RBMS1: variants seen among roughly 807,000 people sequenced by gnomAD.
RBMS1 encodes the protein RNA binding motif single stranded interacting protein 1, also known as RNA-binding motif, single-stranded-interacting protein 1.
RBMS1 carries 17 observed loss-of-function variants against 62.3 expected under a neutral mutation model. The ratio of observed to expected loss-of-function variants is 0.27; its 90% CI spans 0.19 to 0.41. The LOEUF (loss-of-function observed/expected upper bound fraction) is 0.41, where lower values mean the gene tolerates loss of function less well. RBMS1 is among the 10% of genes least tolerant of loss of function. The pLI is 1.00. For missense variants in RBMS1, 334 were observed against 504.5 expected (o/e 0.66, Z 3.24); for synonymous variants, 172 against 170.0 (o/e 1.01, Z -0.09).
At chr2:160,438,775 T>C (rs903611570) in intron 1 of RBMS1, among the ~76,000 whole-genome samples, 4 of 152,216 alleles carry the variant, frequency 2.6e-5, no homozygotes, top group East Asian at 3.9e-4. Context: ...AGCTGTTGGG[T>C]ATACCTCCCA....
At chr2:160,329,588 C>T (rs753671876) in intron 2 of RBMS1, among the ~76,000 whole-genome samples, 10 of 152,062 alleles carry the variant, frequency 6.6e-5, no homozygotes, top group African/African-American at 1.9e-4. Flanking sequence ...TATGAAAACA[C>T]GTAACTATAA....
chr2:160,400,653 G>A (rs551318966), intron 1 of RBMS1, among the ~76,000 whole-genome samples: 24 of 152,158 alleles, frequency 1.6e-4, no homozygotes, highest in African/African-American at 5.3e-4. Flanking sequence ...ATATAGCTAC[G>A]TTTCCCCCTC....
chr2:160,389,717 A>G (rs1329910621), intron 1 of RBMS1, among the ~76,000 whole-genome samples: 3 of 150,096 alleles, frequency 2.0e-5, no homozygotes, highest in African/African-American at 7.3e-5. Context: ...AAAAAAAAAA[A>G]AAAAAAAAAA....
rs33978215 is a variant in RBMS1 at position 160,399,525 on chromosome 2, C to CT, written c.76-32135dup. 7.8e-3 allele frequency among the ~76,000 whole-genome samples: 1,162 copies of CT among 149,534 alleles called. 19 individuals carry two copies. Among genetic ancestry groups the CT allele is most frequent in the African/African-American group, 0.027 (1,094 of 40,794 alleles). On this transcript the variant is annotated intron_variant, in intron 1 of 13. Transcript: ENST00000348849. Reference sequence around the variant, plus strand: ...TTTACTTCGCAAAGATTCCTGTATGCTTTTTTTTTTTTTAAATCACTTACA... The same window carrying CT: ...TTTACTTCGCAAAGATTCCTGTATGCTTTTTTTTTTTTTTAAATCACTTACA...
chr2:160,351,988 T>C (rs1049883727), intron 2 of RBMS1, among the ~76,000 whole-genome samples: 1 of 151,976 alleles, frequency 6.6e-6, no homozygotes, highest in Non-Finnish European at 1.5e-5. Flanking sequence ...TCAAGGTAAG[T>C]GAAGAAAAAA....
At chr2:160,439,304 G>A (rs1378968999) in intron 1 of RBMS1, among the ~76,000 whole-genome samples, 3 of 150,706 alleles carry the variant, frequency 2.0e-5, no homozygotes, top group Admixed American at 1.3e-4. Context: ...CAGACAGGGC[G>A]GCTGCCGGGC....
At chr2:160,312,892 T>C (rs1690008777) in intron 4 of RBMS1, among the ~76,000 whole-genome samples, 1 of 152,020 alleles carries the variant, frequency 6.6e-6, no homozygotes, top group Admixed American at 6.6e-5. Flanking sequence ...TATGCTGCTA[T>C]TTCTCAATTT....
chr2:160,440,792 A>T (rs1271704478), intron 1 of RBMS1, among the ~76,000 whole-genome samples: 1 of 152,200 alleles, frequency 6.6e-6, no homozygotes, highest in Non-Finnish European at 1.5e-5. Context: ...CTCACTTACA[A>T]CATCTTCTCA....
intron 1 of RBMS1, among the ~76,000 whole-genome samples, chr2:160,489,185 G>T (rs2105367898): frequency 2.0e-5 from 3 of 152,288 alleles, no homozygotes; most frequent in Non-Finnish European, 4.4e-5. Flanking sequence ...GTGCTACACT[G>T]TTGCATTGTA....
chr2:160,301,444 C>T (rs1343917023), intron 5 of RBMS1, among the ~76,000 whole-genome samples: 2 of 152,180 alleles, frequency 1.3e-5, no homozygotes, highest in East Asian at 3.8e-4. Context: ...ACACTCTATA[C>T]TCCTGGACTA....
chr2:160,285,151 G>GACTA, intron 7 of RBMS1, 107 bp from the exon 8 acceptor site: 2 of 1,076,432 alleles, frequency 1.9e-6, no homozygotes, highest in Non-Finnish European at 2.8e-6. Context: ...CAGCTGCTGG[G>GACTA]GAGGCTGAGG....
intron 1 of RBMS1, among the ~76,000 whole-genome samples, chr2:160,383,303 T>C (rs1171204388): frequency 6.6e-6 from 1 of 152,068 alleles, no homozygotes; most frequent in Non-Finnish European, 1.5e-5. Flanking sequence ...CGTGGCCTTC[T>C]CTCTGCATCC....
chr2:160,423,705 A>G (rs1696525686), intron 1 of RBMS1, among the ~76,000 whole-genome samples: 2 of 152,194 alleles, frequency 1.3e-5, no homozygotes, highest in African/African-American at 4.8e-5. Flanking sequence ...ACCAGTGAAC[A>G]AAAGAATACC....
intron 1 of RBMS1, among the ~76,000 whole-genome samples, chr2:160,458,924 G>A (rs1684356409): frequency 6.6e-6 from 1 of 152,162 alleles, no homozygotes; most frequent in South Asian, 2.1e-4. Flanking sequence ...CACTTTAGAT[G>A]CACACAGCCC....
At chr2:160,296,526 C>T (rs542413969) in intron 6 of RBMS1, among the ~76,000 whole-genome samples, 4 of 152,280 alleles carry the variant, frequency 2.6e-5, no homozygotes, top group South Asian at 4.1e-4. Flanking sequence ...GGAGCTACGG[C>T]GGAATAAATA....
intron 1 of RBMS1, among the ~76,000 whole-genome samples, chr2:160,399,736 GGT>G (rs1422041084): frequency 6.6e-6 from 1 of 152,012 alleles, no homozygotes; most frequent in African/African-American, 2.4e-5. Flanking sequence ...GATCACAAAT[GGT>G]CTTCCAAAAA....
At chr2:160,303,126 A>G (rs1689305599) in intron 5 of RBMS1, among the ~76,000 whole-genome samples, 1 of 152,222 alleles carries the variant, frequency 6.6e-6, no homozygotes, top group Non-Finnish European at 1.5e-5. Flanking sequence ...CCAAATATTT[A>G]GTGTGCTCAG....
intron 1 of RBMS1, chr2:160,401,901 C>T (rs1695441487): frequency 2.0e-5 from 3 of 152,154 alleles, no homozygotes. Context: ...CACTTTTCTA[C>T]TTCTTGGTAC....
chr2:160,321,073 G>C lies in RBMS1; in HGVS notation c.252-2846C>G, dbSNP rs753139518. On this transcript the variant is annotated intron_variant, in intron 2 of 13. Transcript: ENST00000348849. ...CTCATTTAGGAGAAGGAAGGTAAAG[G>C]GTTGGCCTTCGACACTTCTAGTTCT... 3.2e-4 allele frequency among the ~76,000 whole-genome samples: 49 copies of C among 152,010 alleles called. 1 individual carries two copies. Among genetic ancestry groups the C allele is most frequent in the Non-Finnish European group, 4.4e-5 (3 of 68,008 alleles).
Sources: gnomAD v4.1 joint callset for allele counts (sites outside exome capture counted in the v4.1 genomes callset) on GRCh38, gnomAD v4.1.1 for gene constraint, MANE v1.5 for transcripts, NCBI Gene and HGNC (gene_info 2026-07-23, HGNC 2026-07-21) for gene names.